DROSHA: variants seen among roughly 807,000 people sequenced by gnomAD.
DROSHA encodes the protein ribonuclease 3.
DROSHA carries 56 observed loss-of-function variants against 181.9 expected under a neutral mutation model. The observed-to-expected ratio is 0.31, with a 90% CI of 0.25 to 0.38. The LOEUF (loss-of-function observed/expected upper bound fraction) is 0.38. Among genes scored for constraint, DROSHA ranks in the 10% least tolerant of loss-of-function variants. The pLI is 1.00. For synonymous variants in DROSHA, 524 were observed against 591.2 expected (o/e 0.89, Z 1.65); for missense variants, 1,218 against 1,743.5 (o/e 0.70, Z 5.37).
At chr5:31,490,828 ACT>A (rs1752313629) in intron 13 of DROSHA, among the ~76,000 whole-genome samples, 1 of 152,076 alleles carries the variant, frequency 6.6e-6, no homozygotes, top group South Asian at 2.1e-4. Flanking sequence ...TCAGCTTAAA[ACT>A]CTATTTTTAT....
Position 31,410,737 on chromosome 5 carries a change from G to A in DROSHA, c.3667+9C>T. ...CCTGGAGGTTGAGAGAAAAGTGTGTGGCACTCACATTCCAAAAGGTCCGCC... is the reference window on the plus strand; with the variant it reads ...CCTGGAGGTTGAGAGAAAAGTGTGTAGCACTCACATTCCAAAAGGTCCGCC... On this transcript the variant is annotated intron_variant, in intron 31 of 35. Transcript: ENST00000344624. The A allele has an allele frequency of 6.2e-7, 1 of 1,612,318 alleles. No homozygotes were observed. Among genetic ancestry groups the A allele is most frequent in the Non-Finnish European group, 8.5e-7 (1 of 1,179,096 alleles).
Position 31,480,177 on chromosome 5 carries a change from A to AGT in DROSHA, c.2071+3375_2071+3376dup, listed in dbSNP as rs1340602435. Reference sequence around the variant, plus strand: ...TGCCCGTTTTTCTATTGGCAATGTCAGTATATATATATATATATATATATA... The same window carrying AGT: ...TGCCCGTTTTTCTATTGGCAATGTCAGTGTATATATATATATATATATATATA... On this transcript the variant is annotated intron_variant, in intron 16 of 35. Transcript: ENST00000344624. Among the ~76,000 whole-genome samples the AGT allele has an allele frequency of 3.4e-3, 56 of 16,286 alleles. 2 individuals carry two copies. The highest frequency in any genetic ancestry group is 6.3e-3 in the African/African-American group (56 of 8,910). The allele number at this position is 16,286 out of a possible 152,430, so 10.7% of individuals were successfully genotyped here. A position where few individuals can be genotyped will look rare whatever the true frequency, so the allele number is the denominator to read the frequency against.
intron 16 of DROSHA, among the ~76,000 whole-genome samples, chr5:31,481,137 A>G (rs1033607224): frequency 6.6e-6 from 1 of 152,202 alleles, no homozygotes; most frequent in Non-Finnish European, 1.5e-5. Context: ...GATCTTTAAC[A>G]AAGTCACATT....
Position 31,448,511 on chromosome 5 carries a change from A to G in DROSHA, c.2882+36T>C, listed in dbSNP as rs763303409. 12 of 1,560,618 alleles carry G rather than the reference A, an allele frequency of 7.7e-6. No homozygotes were observed. The South Asian group carries it at 7.8e-5, about 10-fold the overall frequency. Reference sequence around the variant, plus strand: ...GTAAACTGTATAGTACGTGAATTATATATCAATCAGGTTGTTTATTAAAAA... The same window carrying G: ...GTAAACTGTATAGTACGTGAATTATGTATCAATCAGGTTGTTTATTAAAAA... On this transcript the variant is annotated intron_variant, in intron 23 of 35. Coordinates refer to ENST00000344624, the MANE Select transcript of DROSHA (RefSeq NM_001382508.1).
intron 20 of DROSHA, 137 bp from the exon 21 acceptor site, chr5:31,451,777 T>C (rs1188645350): frequency 1.6e-6 from 1 of 641,666 alleles, no homozygotes. Context: ...ATTGGCTGCA[T>C]GGCATTCTGG....
chr5:31,499,777 C>T (rs924875815), intron 11 of DROSHA, among the ~76,000 whole-genome samples: 10 of 152,128 alleles, frequency 6.6e-5, no homozygotes, highest in African/African-American at 2.2e-4. Flanking sequence ...CTAACAAGTT[C>T]CCAGGTGAAG....
At chr5:31,500,438 G>A (rs1176367940) in intron 11 of DROSHA, among the ~76,000 whole-genome samples, 2 of 152,172 alleles carry the variant, frequency 1.3e-5, no homozygotes, top group African/African-American at 4.8e-5. Flanking sequence ...CTACCAGCAT[G>A]GCTCCTAAAA....
chr5:31,493,475 A>T (rs1752624860), intron 12 of DROSHA, among the ~76,000 whole-genome samples, 182 bp from the exon 13 acceptor site: 1 of 152,188 alleles, frequency 6.6e-6, no homozygotes, highest in African/African-American at 2.4e-5. Context: ...TAAGTATAAT[A>T]TTTACGTACT....
intron 13 of DROSHA, among the ~76,000 whole-genome samples, chr5:31,490,600 C>T (rs558567979): frequency 1.3e-5 from 2 of 152,202 alleles, no homozygotes; most frequent in Non-Finnish European, 2.9e-5. Context: ...ACAAGGCTTT[C>T]AATCCACTTC....
chr5:31,467,365 A>G (rs1749196044), intron 18 of DROSHA: 1 of 152,032 alleles, frequency 6.6e-6, no homozygotes, highest in South Asian at 2.1e-4. Flanking sequence ...GTCCCGAAGA[A>G]TCTAATGGTA....
chr5:31,460,493 C>T (rs1031660422), intron 20 of DROSHA, among the ~76,000 whole-genome samples: 3 of 152,118 alleles, frequency 2.0e-5, no homozygotes, highest in African/African-American at 7.2e-5. Flanking sequence ...GCAATGGTTT[C>T]GTCTCCTGCA....
chr5:31,448,189 A>C (rs922668036), intron 23 of DROSHA, among the ~76,000 whole-genome samples: 3 of 152,262 alleles, frequency 2.0e-5, no homozygotes, highest in Non-Finnish European at 4.4e-5. Context: ...TGAAGTATTG[A>C]CACATACTAT....
At chr5:31,478,363 G>A (rs1231478385) in intron 16 of DROSHA, among the ~76,000 whole-genome samples, 1 of 152,190 alleles carries the variant, frequency 6.6e-6, no homozygotes, top group Non-Finnish European at 1.5e-5. Context: ...ATTTGTGATG[G>A]GCCACATTCA....
intron 27 of DROSHA, among the ~76,000 whole-genome samples, chr5:31,427,334 T>A (rs10078886): frequency 0.21 from 32,643 of 151,944 alleles, 3,871 homozygotes; most frequent in African/African-American, 0.3. Flanking sequence ...TGGGTCAAAC[T>A]TGAAGGGTTA....
intron 35 of DROSHA, among the ~76,000 whole-genome samples, chr5:31,404,084 A>ATTT (rs57056439): frequency 6.9e-6 from 1 of 144,548 alleles, no homozygotes; most frequent in Non-Finnish European, 1.5e-5. Context: ...AGCCTGGCTA[A>ATTT]TTTTTTTTTT....
At chr5:31,480,867 G>A (rs1407120912) in intron 16 of DROSHA, among the ~76,000 whole-genome samples, 14 of 152,094 alleles carry the variant, frequency 9.2e-5, no homozygotes, top group South Asian at 2.1e-4. Context: ...AAGGAGAGAA[G>A]GAAGATGGGA....
intron 31 of DROSHA, among the ~76,000 whole-genome samples, chr5:31,410,461 C>T (rs951649398): frequency 5.9e-5 from 9 of 152,168 alleles, no homozygotes; most frequent in Admixed American, 5.9e-4. Context: ...TCTTCATATT[C>T]TATTACTGTT....
intron 10 of DROSHA, among the ~76,000 whole-genome samples, chr5:31,507,710 T>G (rs1013089460): frequency 2.6e-5 from 4 of 152,210 alleles, no homozygotes; most frequent in African/African-American, 9.6e-5. Flanking sequence ...GGGATAGTTG[T>G]GCAACCCCAT....
intron 5 of DROSHA, among the ~76,000 whole-genome samples, chr5:31,525,483 AACATAGCGAGATTCTGTC>A (rs1740421399): frequency 1.4e-5 from 2 of 147,834 alleles, no homozygotes; most frequent in South Asian, 4.3e-4. Flanking sequence ...CTGCCTGGGC[AACATAGCGAGATTCTGTC>A]ACAAAAAAAA....
Sources: gnomAD v4.1 joint callset for allele counts (sites outside exome capture counted in the v4.1 genomes callset) on GRCh38, gnomAD v4.1.1 for gene constraint, MANE v1.5 for transcripts, NCBI Gene and HGNC (gene_info 2026-07-23, HGNC 2026-07-21) for gene names.